Variants in FRMD4B observed in about 807,000 individuals in gnomAD.
FRMD4B encodes FERM domain containing 4B, also known as FERM domain-containing protein 4B.
Under a neutral mutation model 141.5 loss-of-function variants are expected in FRMD4B, and 74 were observed. That is an observed-to-expected ratio of 0.52 (90% CI 0.43 to 0.63). FRMD4B has a LOEUF of 0.63. Ranked by LOEUF, FRMD4B falls within the 30% of genes least tolerant of loss-of-function variation. The pLI, the probability that FRMD4B is intolerant of heterozygous loss-of-function variation, is 0.00. For missense variants in FRMD4B, 1,366 were observed against 1,253.4 expected, an observed-to-expected ratio of 1.09 and a Z score of -1.36; for synonymous variants, 506 against 467.9, an observed-to-expected ratio of 1.08 and a Z score of -1.05.
At chr3:69,192,873 A>C (rs567827582) in intron 17 of FRMD4B, among the ~76,000 whole-genome samples, 1 of 151,184 alleles carries the variant, frequency 6.6e-6, no homozygotes, top group South Asian at 2.1e-4. Context: ...GCTGGAGTGC[A>C]GTGGTGCAAT....
chr3:69,324,707 G>A (rs538318619), intron 1 of FRMD4B, among the ~76,000 whole-genome samples: 3 of 152,270 alleles, frequency 2.0e-5, no homozygotes, highest in South Asian at 4.1e-4. Context: ...AGATAATAAG[G>A]GCTCTGAAGT....
At chr3:69,324,683 A>G (rs1702121530) in intron 1 of FRMD4B, among the ~76,000 whole-genome samples, 1 of 152,262 alleles carries the variant, frequency 6.6e-6, no homozygotes, top group Non-Finnish European at 1.5e-5. Context: ...CAATTAAACA[A>G]ATATGATATT....
chr3:69,183,843 G>A (rs1559692660), intron 19 of FRMD4B, among the ~76,000 whole-genome samples: 1 of 151,850 alleles, frequency 6.6e-6, no homozygotes. Context: ...ACAAAAGCAA[G>A]TCTAAGTTCA....
At chr3:69,194,197 A>G (rs1249067787) in intron 16 of FRMD4B, among the ~76,000 whole-genome samples, 2 of 152,250 alleles carry the variant, frequency 1.3e-5, no homozygotes, top group Non-Finnish European at 1.5e-5. Context: ...ATTTATATGC[A>G]TAGCTTTAGA....
chr3:69,523,418 C>T (rs1700883088), intron 1 of FRMD4B, among the ~76,000 whole-genome samples: 1 of 152,138 alleles, frequency 6.6e-6, no homozygotes, highest in Non-Finnish European at 1.5e-5. Context: ...GGGCAGCACT[C>T]AGGTATTGGT....
intron 2 of FRMD4B, among the ~76,000 whole-genome samples, chr3:69,423,202 G>T (rs1371299652): frequency 6.6e-6 from 1 of 152,170 alleles, no homozygotes; most frequent in East Asian, 1.9e-4. Context: ...AGGCTGTAGT[G>T]CAGTGGCACA....
At chr3:69,295,537 G>T (rs114214806) in intron 4 of FRMD4B, among the ~76,000 whole-genome samples, 242 of 152,172 alleles carry the variant, frequency 1.6e-3, no homozygotes, top group African/African-American at 5.6e-3. Context: ...GCCCAGGCTG[G>T]ACTTGAACTG....
At chr3:69,353,147 T>C (rs1703206058) in intron 1 of FRMD4B, among the ~76,000 whole-genome samples, 1 of 151,320 alleles carries the variant, frequency 6.6e-6, no homozygotes, top group African/African-American at 2.4e-5. Context: ...GAAAGGGTGA[T>C]GAAGTGGAAT....
At chr3:69,505,037 G>C (rs1706572025) in intron 1 of FRMD4B, among the ~76,000 whole-genome samples, 1 of 151,926 alleles carries the variant, frequency 6.6e-6, no homozygotes, top group South Asian at 2.1e-4. Context: ...ATCCTCTTTT[G>C]GATATCAGAG....
rs1471379302 is a variant in FRMD4B at position 69,171,891 on chromosome 3, A to G, written c.3075T>C (p.His1025=). 1 of 1,613,384 alleles carries G rather than the reference A, an allele frequency of 6.2e-7. No homozygotes were observed. Among genetic ancestry groups the G allele is most frequent in the Admixed American group, 1.7e-5 (1 of 59,996 alleles). The change falls in exon 23 of 23, where the codon CAT becomes CAC. Residue 1025 remains histidine (H), a synonymous_variant. Transcript: ENST00000398540. The part of the protein sequence containing the change: ...LESSEQRLFW[H]EDSKPGTLV Reference sequence around the variant, plus strand: ...CTAATGTTCCAGGCTTTGAATCTTCATGCCAAAAGAGTCTCTGCTCACTAC... The same window carrying G: ...CTAATGTTCCAGGCTTTGAATCTTCGTGCCAAAAGAGTCTCTGCTCACTAC...
chr3:69,540,172 GAC>G (rs1232483852), intron 1 of FRMD4B, among the ~76,000 whole-genome samples: 1 of 125,164 alleles, frequency 8.0e-6, no homozygotes, highest in Non-Finnish European at 1.6e-5. Flanking sequence ...CACTCTGGGT[GAC>G]AGAGTTCGAA....
At chr3:69,391,101 A>C (rs1401710138) in intron 2 of FRMD4B, among the ~76,000 whole-genome samples, 3 of 152,080 alleles carry the variant, frequency 2.0e-5, no homozygotes, top group Admixed American at 2.0e-4. Flanking sequence ...TCTTTTGAGA[A>C]ATAACCGGAA....
chr3:69,446,481 C>T (rs1272222110), intron 1 of FRMD4B, among the ~76,000 whole-genome samples: 1 of 152,046 alleles, frequency 6.6e-6, no homozygotes. Context: ...TAAAGGCACA[C>T]ACCACCACAC....
intron 18 of FRMD4B, among the ~76,000 whole-genome samples, chr3:69,188,471 T>C (rs1255880392): frequency 2.0e-5 from 3 of 152,326 alleles, no homozygotes; most frequent in Non-Finnish European, 4.4e-5. Flanking sequence ...GGTGAAATTT[T>C]ATGCACCATA....
intron 7 of FRMD4B, among the ~76,000 whole-genome samples, chr3:69,245,690 G>A (rs1405180322): frequency 2.2e-5 from 3 of 138,968 alleles, no homozygotes; most frequent in Admixed American, 7.4e-5. Context: ...TTGTGACAGA[G>A]TCCCACTCTG....
In FRMD4B at chr3:69,294,247, C is replaced by T. The variant is rs190681581; in HGVS notation, c.417-6411G>A. 5.3e-5 allele frequency among the ~76,000 whole-genome samples: 8 copies of T among 152,312 alleles called. No individual in the cohort carries two copies. The East Asian group carries it at 5.8e-4, about 11-fold the overall frequency. On this transcript the variant is annotated intron_variant, in intron 4 of 22. Transcript: ENST00000398540. ...TTTTAGGCATTTAACTGCAGCCACACGCCTAGGTAGATTTCTATCAGATCC... is the reference window on the plus strand; with the variant it reads ...TTTTAGGCATTTAACTGCAGCCACATGCCTAGGTAGATTTCTATCAGATCC...
In FRMD4B at chr3:69,229,535, T is replaced by C. The variant is rs551572943; in HGVS notation, c.582-4845A>G. 2.6e-5 allele frequency among the ~76,000 whole-genome samples: 4 copies of C among 152,308 alleles called. No individual in the cohort carries two copies. In the East Asian group the frequency reaches 7.7e-4, roughly 29 times the overall value. ...GAAGTGGTTGAGCTGTGGACGTGAC[T>C]ATAACACTAAAAGAGAAAGCCAGCA... On this transcript the variant is annotated intron_variant, in intron 7 of 22. Transcript: ENST00000398540.
chr3:69,324,047 C>A (rs1230487459), intron 1 of FRMD4B, among the ~76,000 whole-genome samples: 2 of 152,016 alleles, frequency 1.3e-5, no homozygotes, highest in Non-Finnish European at 2.9e-5. Flanking sequence ...TTTACAATCA[C>A]CATCCCTTGG....
intron 12 of FRMD4B, chr3:69,198,355 T>G (rs1233168809): frequency 1.4e-5 from 3 of 213,716 alleles, no homozygotes; most frequent in Non-Finnish European, 2.8e-5. Flanking sequence ...ATGAGGGAAG[T>G]GCAAATCAAA....
Sources: allele counts gnomAD v4.1 joint callset (sites outside exome capture counted in the v4.1 genomes callset), GRCh38; gene constraint gnomAD v4.1.1; transcripts MANE v1.5; gene names NCBI Gene and HGNC (gene_info 2026-07-23, HGNC 2026-07-21).